The following YME1L1 variants were observed in gnomAD, a reference collection of about 807,000 sequenced individuals.
YME1L1 encodes ATP-dependent zinc metalloprotease YME1L1.
In YME1L1, 39 loss-of-function variants were observed where a neutral mutation model predicts 90.4. The ratio of observed to expected loss-of-function variants is 0.43; its 90% confidence interval spans 0.33 to 0.56. YME1L1 has a LOEUF of 0.56. YME1L1 is among the 20% of genes least tolerant of loss of function. The pLI, the probability that YME1L1 is intolerant of heterozygous loss-of-function variation, is 0.03. For synonymous variants in YME1L1, 284 were observed against 287.3 expected (o/e 0.99, Z 0.12); for missense variants, 617 against 868.4 (o/e 0.71, Z 3.64).
At chr10:27,143,611 T>C (rs1019219286) in intron 3 of YME1L1, among the ~76,000 whole-genome samples, 2 of 147,818 alleles carry the variant, frequency 1.4e-5, no homozygotes, top group Non-Finnish European at 3.0e-5. Context: ...GGCAGGAGAA[T>C]GGCGTGAACT....
Position 27,134,054 on chromosome 10 carries a change from T to C in YME1L1, c.760A>G (p.Asn254Asp). The C allele has an allele frequency of 6.2e-7, 1 of 1,612,934 alleles. No homozygotes were observed. Among genetic ancestry groups the C allele is most frequent in the Non-Finnish European group, 8.5e-7 (1 of 1,179,648 alleles). ...LLFGIYGLLK[N>D]PFLSVRFRTT... The stretch of plus-strand genomic sequence containing the variant: ...AAGCTTTTACCAGATAAAAATGGGT[T>C]TTTTAGAAGTCCATAAATGCCGAAT... The change falls in exon 7 of 19, where the codon AAC becomes GAC. Residue 254 changes from asparagine (N) to aspartate (D), a missense_variant. Asn to Asp is a conservative substitution (Grantham distance 23, BLOSUM62 1). Around this residue, in one of 4 missense-constraint regions of YME1L1, gnomAD observed 311 missense variants for 335.8 expected, o/e 0.93. Coordinates refer to ENST00000376016, the MANE Select transcript of YME1L1 (RefSeq NM_014263.4).
intron 9 of YME1L1, among the ~76,000 whole-genome samples, chr10:27,123,937 G>A (rs1042142673): frequency 8.6e-5 from 13 of 151,880 alleles, no homozygotes; most frequent in African/African-American, 3.2e-4. Context: ...CAAGAGACAT[G>A]ACAGGGAGAA....
chr10:27,152,094 A>T (rs1391238107), intron 1 of YME1L1, among the ~76,000 whole-genome samples: 1 of 152,136 alleles, frequency 6.6e-6, no homozygotes, highest in Non-Finnish European at 1.5e-5. Flanking sequence ...AGTCAGAAAG[A>T]AACAGTAAGT....
intron 11 of YME1L1, among the ~76,000 whole-genome samples, chr10:27,122,436 T>C (rs186895766): frequency 1.3e-5 from 2 of 152,356 alleles, no homozygotes; most frequent in Admixed American, 1.3e-4. Flanking sequence ...GCTTCTTATA[T>C]TATGAACATT....
intron 17 of YME1L1, 99 bp from the exon 18 acceptor site, chr10:27,114,706 TG>T (rs2056793968): frequency 1.2e-6 from 1 of 803,276 alleles, no homozygotes; most frequent in Non-Finnish European, 1.9e-6. Context: ...AACAAATATA[TG>T]GGGGACAAGA....
chr10:27,126,985 A>G (rs1475289333), intron 8 of YME1L1, among the ~76,000 whole-genome samples, 199 bp from the exon 9 acceptor site: 1 of 152,268 alleles, frequency 6.6e-6, no homozygotes, highest in Admixed American at 6.5e-5. Flanking sequence ...CCCATTATGC[A>G]AAGTCTCCTT....
chr10:27,131,805 T>C (rs549781047), intron 8 of YME1L1, 54 bp downstream of exon 8: 1 of 1,361,216 alleles, frequency 7.3e-7, no homozygotes, highest in South Asian at 1.2e-5. Flanking sequence ...CGACCTCATA[T>C]AGAGTATCAA....
Position 27,112,805 on chromosome 10 carries a change from G to T in YME1L1, c.2008-685C>A, listed in dbSNP as rs985419522. Among the ~76,000 whole-genome samples, 42 of 151,860 alleles carry T rather than the reference G, an allele frequency of 2.8e-4. 1 individual carries two copies. Among genetic ancestry groups the T allele is most frequent in the Non-Finnish European group, 7.4e-5 (5 of 67,968 alleles). ...GGCCTCAACCTCCCTGGGCTCAGGT[G>T]ATCCTCCCACCTCAGCCCAAGTAGC... On this transcript the variant is annotated intron_variant, in intron 18 of 18. Coordinates refer to ENST00000376016, the MANE Select transcript of YME1L1 (RefSeq NM_014263.4).
chr10:27,132,000 G>T, intron 7 of YME1L1, 59 bp from the exon 8 acceptor site: 1 of 1,411,788 alleles, frequency 7.1e-7, no homozygotes, highest in Non-Finnish European at 9.8e-7. Context: ...CAATCACCTT[G>T]TTTTTTAGAT....
At chr10:27,118,964 T>A (rs1213766805) in intron 14 of YME1L1, among the ~76,000 whole-genome samples, 1 of 152,180 alleles carries the variant, frequency 6.6e-6, no homozygotes, top group African/African-American at 2.4e-5. Flanking sequence ...CATGTTCCCA[T>A]CACTTTTTAA....
chr10:27,134,300 A>C (rs907923086), intron 6 of YME1L1, among the ~76,000 whole-genome samples, 178 bp from the exon 7 acceptor site: 5 of 152,200 alleles, frequency 3.3e-5, no homozygotes, highest in African/African-American at 1.2e-4. Context: ...TCAAAAACTT[A>C]AGGCCAAGCA....
chr10:27,119,237 A>G, intron 14 of YME1L1, 57 bp downstream of exon 14: 1 of 1,493,590 alleles, frequency 6.7e-7, no homozygotes, highest in Admixed American at 2.3e-5. Context: ...TTGCCCCTAA[A>G]TGAATTATCT....
Position 27,121,367 on chromosome 10 carries a change from ATCT to A in YME1L1, c.1298+16_1298+18del, listed in dbSNP as rs751770791. ...TAGCATGTAACAGTACTTCACAAAAATCTTCTTTTAATACTTACTTATCTAATG... is the reference window on the plus strand; with the variant it reads ...TAGCATGTAACAGTACTTCACAAAAATCTTTTAATACTTACTTATCTAATG... On this transcript the variant is annotated intron_variant, in intron 12 of 18. Transcript: ENST00000376016. The A allele has an allele frequency of 1.2e-5, 19 of 1,578,090 alleles. 1 individual carries two copies. The highest frequency in any genetic ancestry group is 5.0e-5 in the Admixed American group (3 of 59,854).
intron 13 of YME1L1, among the ~76,000 whole-genome samples, chr10:27,119,870 C>A (rs2056849141): frequency 6.6e-6 from 1 of 151,724 alleles, no homozygotes; most frequent in Admixed American, 6.6e-5. Context: ...AAATAGCTAG[C>A]TATTCTGAGC....
chr10:27,130,534 C>T (rs1020455317), intron 8 of YME1L1, among the ~76,000 whole-genome samples: 1 of 152,188 alleles, frequency 6.6e-6, no homozygotes, highest in Admixed American at 6.5e-5. Context: ...TAACCTTTGT[C>T]CCCCAGATCT....
At chr10:27,153,818 C>T (rs546152092) in intron 1 of YME1L1, among the ~76,000 whole-genome samples, 25 of 152,294 alleles carry the variant, frequency 1.6e-4, no homozygotes, top group Admixed American at 1.5e-3. Context: ...AAAAAGGGAA[C>T]ATTACCTGCT....
chr10:27,145,320 G>T (rs1352696536), intron 3 of YME1L1, 108 bp downstream of exon 3: 3 of 960,292 alleles, frequency 3.1e-6, no homozygotes, highest in Non-Finnish European at 4.2e-6. Context: ...AACACTTCAG[G>T]AAAGAACCCA....
intron 3 of YME1L1, among the ~76,000 whole-genome samples, chr10:27,142,948 A>G (rs781331072): frequency 1.9e-4 from 29 of 151,336 alleles, no homozygotes; most frequent in Non-Finnish European, 3.1e-4. Flanking sequence ...TGATCTCCTG[A>G]CCTCCTGATC....
intron 12 of YME1L1, 116 bp from the exon 13 acceptor site, chr10:27,120,663 A>T (rs1419493180): frequency 1.5e-6 from 1 of 668,310 alleles, no homozygotes; most frequent in African/African-American, 1.8e-5. Context: ...GCGCAGATGG[A>T]GTTTTGTACA....
Sources: gnomAD v4.1 joint callset for allele counts (sites outside exome capture counted in the v4.1 genomes callset) on GRCh38, gnomAD v4.1.1 for gene constraint, gnomAD v4.1.1 regional missense constraint, MANE v1.5 for transcripts, NCBI Gene and HGNC (gene_info 2026-07-23, HGNC 2026-07-21) for gene names.